Variants in ZNF385D observed in about 807,000 individuals in gnomAD.
ZNF385D encodes zinc finger protein 385D.
In ZNF385D, 15 loss-of-function variants were observed where a neutral mutation model predicts 35.8. The observed-to-expected ratio is 0.42, with a 90% CI of 0.28 to 0.64. The LOEUF (loss-of-function observed/expected upper bound fraction) is 0.64. ZNF385D is among the 30% of genes least tolerant of loss of function. ZNF385D has a pLI of 0.23. For synonymous variants in ZNF385D, 212 were observed against 186.8 expected, an observed-to-expected ratio of 1.13 and a Z score of -1.10; for missense variants, 474 against 494.6, an observed-to-expected ratio of 0.96 and a Z score of 0.39.
At chr3:22,120,107 G>A (rs1703012644) in intron 3 of ZNF385D, among the ~76,000 whole-genome samples, 1 of 151,524 alleles carries the variant, frequency 6.6e-6, no homozygotes, top group Admixed American at 6.6e-5. Flanking sequence ...TAGGATTACA[G>A]GTGTGATTCA....
At chr3:22,303,845 T>C (rs1482123977) in intron 2 of ZNF385D, among the ~76,000 whole-genome samples, 2 of 152,288 alleles carry the variant, frequency 1.3e-5, no homozygotes, top group East Asian at 3.9e-4. Context: ...TGGCGCAATC[T>C]TGGCTCACTG....
At chr3:21,931,426 G>C (rs680685) in intron 3 of ZNF385D, among the ~76,000 whole-genome samples, 1 of 152,028 alleles carries the variant, frequency 6.6e-6, no homozygotes, top group Non-Finnish European at 1.5e-5. Context: ...AGATGACCCA[G>C]CAGTTACATT....
At chr3:22,160,213 G>A (rs555018007) in intron 3 of ZNF385D, among the ~76,000 whole-genome samples, 1 of 152,146 alleles carries the variant, frequency 6.6e-6, no homozygotes, top group East Asian at 1.9e-4. Flanking sequence ...CTGTATAGCA[G>A]TATGAAAATG....
intron 2 of ZNF385D, among the ~76,000 whole-genome samples, chr3:22,271,519 A>G (rs1422613564): frequency 6.6e-6 from 1 of 151,912 alleles, no homozygotes; most frequent in African/African-American, 2.4e-5. Context: ...CCAAGTCCCC[A>G]TTTAATCGGG....
In ZNF385D at chr3:22,089,204, A is replaced by G. The variant is rs936071450; in HGVS notation, c.325+79613T>C. Among the ~76,000 whole-genome samples, 18 of 152,342 alleles carry G rather than the reference A, an allele frequency of 1.2e-4. 1 individual carries two copies. The highest frequency in any genetic ancestry group is 3.4e-3 in the Middle Eastern group (1 of 294). ...AAAAACTGTCTGTAAACTGTTTACC[A>G]TTAGCAAAAATACTCTCCTACTTTC... On this transcript the variant is annotated intron_variant, in intron 3 of 5. Transcript: ENST00000494108.
chr3:21,434,773 G>C (rs554713168), intron 5 of ZNF385D, among the ~76,000 whole-genome samples: 1 of 152,040 alleles, frequency 6.6e-6, no homozygotes, highest in African/African-American at 2.4e-5. Context: ...TTTTGGAGTG[G>C]GTTCTTTTCA....
At chr3:21,562,933 C>T (rs564540339) in intron 3 of ZNF385D, among the ~76,000 whole-genome samples, 45 of 152,158 alleles carry the variant, frequency 3.0e-4, no homozygotes, top group Admixed American at 7.2e-4. Flanking sequence ...CCTCAAAGTG[C>T]GCAGCATTAA....
chr3:21,532,183 C>T (rs528053382), intron 3 of ZNF385D, among the ~76,000 whole-genome samples: 32 of 152,118 alleles, frequency 2.1e-4, no homozygotes, highest in Non-Finnish European at 4.0e-4. Context: ...CTTTCACCCA[C>T]GAGGGAAGGT....
chr3:21,472,191 GTTACA>G (rs1703938464), intron 4 of ZNF385D, among the ~76,000 whole-genome samples: 1 of 152,074 alleles, frequency 6.6e-6, no homozygotes, highest in African/African-American at 2.4e-5. Flanking sequence ...GAAACATTTA[GTTACA>G]TTTTAACATC....
At chr3:22,142,550 C>T (rs993688777) in intron 3 of ZNF385D, among the ~76,000 whole-genome samples, 3 of 151,952 alleles carry the variant, frequency 2.0e-5, no homozygotes, top group South Asian at 2.1e-4. Context: ...ATTTGTTTAA[C>T]CTGTAGCTGC....
At chr3:22,267,828 T>A (rs1559488882) in intron 2 of ZNF385D, among the ~76,000 whole-genome samples, 1 of 151,998 alleles carries the variant, frequency 6.6e-6, no homozygotes, top group Non-Finnish European at 1.5e-5. Flanking sequence ...ATACTCAATG[T>A]ACACTTTTCA....
At chr3:22,053,017 T>C (rs1477583219) in intron 3 of ZNF385D, among the ~76,000 whole-genome samples, 73 of 76,494 alleles carry the variant, frequency 9.5e-4, no homozygotes, top group East Asian at 1.3e-3. Flanking sequence ...TGAGCTGTGG[T>C]GGGCTCCACC....
At chr3:21,667,887 T>C (rs1454816880) in intron 1 of ZNF385D, among the ~76,000 whole-genome samples, 1 of 152,122 alleles carries the variant, frequency 6.6e-6, no homozygotes, top group Non-Finnish European at 1.5e-5. Context: ...CAAGGTCCTC[T>C]CTCAGTGTTG....
chr3:22,059,668 T>C (rs1032088077), intron 3 of ZNF385D, among the ~76,000 whole-genome samples: 5 of 152,180 alleles, frequency 3.3e-5, no homozygotes, highest in African/African-American at 1.2e-4. Context: ...GTGGAGCACA[T>C]TACTTTGAAG....
intron 3 of ZNF385D, among the ~76,000 whole-genome samples, chr3:21,892,128 C>T (rs1698901401): frequency 6.6e-6 from 1 of 152,128 alleles, no homozygotes; most frequent in Admixed American, 6.5e-5. Flanking sequence ...AGGAAGCATT[C>T]TGAATGAAAA....
chr3:21,916,067 T>C (rs1219798464), intron 3 of ZNF385D, among the ~76,000 whole-genome samples: 1 of 151,994 alleles, frequency 6.6e-6, no homozygotes, highest in Non-Finnish European at 1.5e-5. Flanking sequence ...TACTCCAAAA[T>C]GAAAAAGGAC....
chr3:21,766,348 A>AT (rs1421971167), intron 3 of ZNF385D, among the ~76,000 whole-genome samples: 29 of 152,282 alleles, frequency 1.9e-4, no homozygotes, highest in African/African-American at 7.0e-4. Context: ...CTTTTGACAC[A>AT]TACCACAATT....
At chr3:21,890,064 C>T (rs867782981) in intron 3 of ZNF385D, among the ~76,000 whole-genome samples, 13 of 152,172 alleles carry the variant, frequency 8.5e-5, no homozygotes, top group African/African-American at 2.9e-4. Context: ...AATACCCTAT[C>T]TGCAAATAAC....
chr3:21,690,771 T>C (rs1325209024), intron 1 of ZNF385D, among the ~76,000 whole-genome samples: 1 of 152,200 alleles, frequency 6.6e-6, no homozygotes, highest in Non-Finnish European at 1.5e-5. Flanking sequence ...ACCTATGGAA[T>C]CAGAAACTCT....
Sources: gnomAD v4.1 joint callset for allele counts (sites outside exome capture counted in the v4.1 genomes callset) on GRCh38, gnomAD v4.1.1 for gene constraint, MANE v1.5 for transcripts, NCBI Gene and HGNC (gene_info 2026-07-23, HGNC 2026-07-21) for gene names.